The following FGD6 variants were observed in gnomAD, a reference collection of about 807,000 sequenced individuals.
FGD6 encodes FYVE, RhoGEF and PH domain-containing protein 6.
In FGD6, 90 loss-of-function variants were observed where a neutral mutation model predicts 149.4. The ratio of observed to expected loss-of-function variants is 0.60; its 90% confidence interval spans 0.51 to 0.72. The LOEUF is 0.72. Ranked by LOEUF, FGD6 falls within the 30% of genes least tolerant of loss-of-function variation. The pLI, the probability that FGD6 is intolerant of heterozygous loss-of-function variation, is 0.00. For synonymous variants in FGD6, 527 were observed against 584.0 expected, an observed-to-expected ratio of 0.90 and a Z score of 1.41; for missense variants, 1,437 against 1,684.8, an observed-to-expected ratio of 0.85 and a Z score of 2.57.
intron 3 of FGD6, among the ~76,000 whole-genome samples, chr12:95,158,944 A>G (rs1880560329): frequency 6.6e-6 from 1 of 152,148 alleles, no homozygotes; most frequent in Non-Finnish European, 1.5e-5. Flanking sequence ...AACCAAAACC[A>G]TTCAGGGAAC....
chr12:95,211,931 T>C (rs2056729628), intron 1 of FGD6, among the ~76,000 whole-genome samples: 1 of 152,200 alleles, frequency 6.6e-6, no homozygotes, highest in South Asian at 2.1e-4. Flanking sequence ...TGCTGAAAGT[T>C]GAATTTGCCT....
chr12:95,107,150 T>C (rs1306138376), intron 12 of FGD6, 113 bp from the exon 13 acceptor site: 2 of 735,832 alleles, frequency 2.7e-6, no homozygotes, highest in Admixed American at 2.6e-5. Flanking sequence ...AATAGCTCTC[T>C]GAATAAAATA....
At chr12:95,165,645 T>A (rs1247542684) in intron 3 of FGD6, among the ~76,000 whole-genome samples, 1 of 151,238 alleles carries the variant, frequency 6.6e-6, no homozygotes, top group East Asian at 2.0e-4. Context: ...GCCAATTTTG[T>A]TTTTTCCTAA....
At chr12:95,198,297 C>T (rs1164539136) in intron 2 of FGD6, among the ~76,000 whole-genome samples, 2 of 152,094 alleles carry the variant, frequency 1.3e-5, no homozygotes, top group Non-Finnish European at 2.9e-5. Context: ...TTATTCAACC[C>T]CATTAAGTCT....
chr12:95,100,685 C>G, intron 14 of FGD6: 1 of 538,970 alleles, frequency 1.9e-6, no homozygotes, highest in South Asian at 1.4e-5. Flanking sequence ...CCAGAATTCA[C>G]CAAGAGCAAT....
Position 95,137,675 on chromosome 12 carries a change from AGTCC to A in FGD6, c.2838-1_2840del, listed in dbSNP as rs1879710753. 6.3e-7 allele frequency: 1 copy of A among 1,587,568 alleles called. No homozygotes were observed. Among genetic ancestry groups the A allele is most frequent in the Non-Finnish European group, 8.6e-7 (1 of 1,168,890 alleles). On this transcript the variant is annotated splice_acceptor_variant and coding_sequence_variant, in exon 7 of 21. Coordinates refer to ENST00000343958, the MANE Select transcript of FGD6 (RefSeq NM_018351.4). LOFTEE classifies it high-confidence loss of function. ...AGATATCAGCAATTCTTTGTTGTTC[AGTCC>A]TATGGATAGAGAAGAGATACACAAA...
rs1878707897 is a variant in FGD6, at chr12:95,108,532, T to G, written c.3163A>C (p.Asn1055His). The change falls in exon 10 of 21, where the codon AAC becomes CAC. Residue 1055 changes from asparagine to histidine, a missense_variant. Asn to His is a moderately conservative substitution (Grantham distance 68, BLOSUM62 1). This residue lies in a region of FGD6 where 382 missense variants were observed against 538.7 expected (regional missense o/e 0.71). Coordinates refer to ENST00000343958, the MANE Select transcript of FGD6 (RefSeq NM_018351.4). The part of the protein sequence containing the change: ...DALAVVIEVA[N>H]HANDTMKQGD... ...TGCTTCATGGTGTCATTGGCGTGGT[T>G]GGCTACCTCTATAACAACAGCAAGG... 6.2e-7 allele frequency: 1 copy of G among 1,614,098 alleles called. No individual in the cohort carries two copies. The highest frequency in any genetic ancestry group is 8.5e-7 in the Non-Finnish European group (1 of 1,179,958).
rs910754799 is a variant in FGD6 at position 95,078,626 on chromosome 12, G to GATC, written c.*2893_*2894insGAT. 10 of 152,144 alleles carry GATC rather than the reference G, an allele frequency of 6.6e-5. No homozygotes were observed. Among genetic ancestry groups the GATC allele is most frequent in the African/African-American group, 2.2e-4 (9 of 41,412 alleles). The allele number at this position is 152,144 out of a possible 1,614,324, so 9.4% of individuals were successfully genotyped here. On this transcript the variant is annotated 3_prime_UTR_variant, in exon 21 of 21. Transcript: ENST00000343958. ...TCTTGGGCAACCAAAATACAATAGG[G>GATC]GGATGCTGGGTACATTACAGAAAAA...
intron 8 of FGD6, among the ~76,000 whole-genome samples, chr12:95,128,275 G>A (rs1190048530): frequency 2.6e-5 from 4 of 152,054 alleles, no homozygotes; most frequent in East Asian, 3.9e-4. Context: ...CTGCTGTGTC[G>A]CCCAGGGTGA....
In FGD6 at chr12:95,202,566, CT is replaced by C. The variant is rs1169479618; in HGVS notation, c.2441+6276del. Among the ~76,000 whole-genome samples, 6 of 151,836 alleles carry C rather than the reference CT, an allele frequency of 4.0e-5. No individual in the cohort carries two copies. In the East Asian group the frequency reaches 5.8e-4, roughly 15 times the overall value. ...TTCCTTTAAAAAAAATTTGTTTCTC[CT>C]TTTTTTCATAGAGATAGGGTCTCAC... is the stretch of plus-strand genomic sequence containing the variant. On this transcript the variant is annotated intron_variant, in intron 2 of 20. Transcript: ENST00000343958.
At chr12:95,087,314 A>G (rs1353837274) in intron 18 of FGD6, among the ~76,000 whole-genome samples, 1 of 152,152 alleles carries the variant, frequency 6.6e-6, no homozygotes, top group Non-Finnish European at 1.5e-5. Flanking sequence ...TGTGGACAGG[A>G]CCTACGACTT....
chr12:95,209,529 A>T lies in FGD6; in HGVS notation c.1755T>A (p.Ser585=), dbSNP rs1289087019. The T allele has an allele frequency of 1.2e-6, 2 of 1,614,044 alleles. No individual in the cohort carries two copies. Among genetic ancestry groups the T allele is most frequent in the Admixed American group, 3.3e-5 (2 of 59,978 alleles). The change falls in exon 2 of 21, where the codon TCT becomes TCA. Residue 585 remains serine (S), a synonymous_variant. Transcript: ENST00000343958. Reference sequence around the variant, plus strand: ...GCTCACTGTTTGACGATACGGTGACAGACTTTAAGAATTCTGGGTTCCCTG... The same window carrying T: ...GCTCACTGTTTGACGATACGGTGACTGACTTTAAGAATTCTGGGTTCCCTG... The part of the protein sequence containing the change: ...PFSGNPEFLK[S]VTVSSNSEPS...
chr12:95,193,244 G>T (rs962918503), intron 2 of FGD6, among the ~76,000 whole-genome samples: 19 of 152,098 alleles, frequency 1.2e-4, no homozygotes, highest in Non-Finnish European at 2.4e-4. Flanking sequence ...AGTGGAAATG[G>T]CCCAGATGTC....
At chr12:95,153,946 TGA>T (rs201597081) in intron 3 of FGD6, among the ~76,000 whole-genome samples, 13,164 of 137,164 alleles carry the variant, frequency 0.096, 613 homozygotes, top group East Asian at 0.16. Context: ...TGTGTGTGTG[TGA>T]GTGAGAGAGA....
intron 9 of FGD6, among the ~76,000 whole-genome samples, chr12:95,109,295 C>A (rs900950514): frequency 6.6e-6 from 1 of 152,186 alleles, no homozygotes; most frequent in Non-Finnish European, 1.5e-5. Flanking sequence ...TTATTCTCAA[C>A]CCAAGGCCAT....
chr12:95,208,559 C>G (rs912625063), intron 2 of FGD6, among the ~76,000 whole-genome samples: 7 of 152,152 alleles, frequency 4.6e-5, no homozygotes, highest in Non-Finnish European at 7.4e-5. Context: ...TGTCTGGAGG[C>G]CCAGGACCTC....
intron 2 of FGD6, among the ~76,000 whole-genome samples, chr12:95,176,598 A>G (rs1030664951): frequency 6.6e-6 from 1 of 152,192 alleles, no homozygotes; most frequent in African/African-American, 2.4e-5. Flanking sequence ...TTAAATTCCT[A>G]CTGATGGGTA....
chr12:95,146,530 G>C (rs912399537), intron 5 of FGD6, among the ~76,000 whole-genome samples: 3 of 152,168 alleles, frequency 2.0e-5, no homozygotes, highest in African/African-American at 7.2e-5. Context: ...TATTAAAATA[G>C]TGGGGGGAGG....
At chr12:95,164,553 C>G (rs1451914215) in intron 3 of FGD6, among the ~76,000 whole-genome samples, 1 of 152,026 alleles carries the variant, frequency 6.6e-6, no homozygotes, top group Non-Finnish European at 1.5e-5. Context: ...GCTTCAGTCT[C>G]CCGAGCAGCT....
Sources: gnomAD v4.1 joint callset for allele counts (sites outside exome capture counted in the v4.1 genomes callset) on GRCh38, gnomAD v4.1.1 for gene constraint, gnomAD v4.1.1 regional missense constraint, MANE v1.5 for transcripts, NCBI Gene and HGNC (gene_info 2026-07-23, HGNC 2026-07-21) for gene names.